RIMS2: variants seen among roughly 807,000 people sequenced by gnomAD.
RIMS2 encodes regulating synaptic membrane exocytosis 2.
In RIMS2, 59 loss-of-function variants were observed where a neutral mutation model predicts 174.4. The observed-to-expected ratio is 0.34, with a 90% CI of 0.27 to 0.42. The LOEUF is 0.42. Among genes scored for constraint, RIMS2 ranks in the 10% least tolerant of loss-of-function variants. The pLI, the probability that RIMS2 is intolerant of heterozygous loss-of-function variation, is 1.00. For synonymous variants in RIMS2, 606 were observed against 572.5 expected (o/e 1.06, Z -0.84); for missense variants, 1,620 against 1,666.3 (o/e 0.97, Z 0.48).
intron 19 of RIMS2, among the ~76,000 whole-genome samples, chr8:104,162,812 AGTC>A (rs1430745445): frequency 4.6e-5 from 7 of 152,338 alleles, no homozygotes; most frequent in Admixed American, 3.9e-4. Flanking sequence ...AAGAAAAAGA[AGTC>A]TTTAATTTCA....
intron 17 of RIMS2, among the ~76,000 whole-genome samples, chr8:104,010,066 C>T (rs1173748091): frequency 6.6e-6 from 1 of 151,980 alleles, no homozygotes; most frequent in African/African-American, 2.4e-5. Context: ...GGGTTATAGA[C>T]AAGAGTTCCC....
intron 3 of RIMS2, among the ~76,000 whole-genome samples, chr8:103,793,603 A>G (rs1592554073): frequency 6.6e-6 from 1 of 152,200 alleles, no homozygotes; most frequent in Admixed American, 6.5e-5. Context: ...GGAGAAAGAA[A>G]TAAAGGGTAT....
At position 103,873,595 on chromosome 8, in the gene RIMS2, G is replaced by T. The variant is rs140569257; in HGVS notation, c.699-11703G>T. Among the ~76,000 whole-genome samples the T allele has an allele frequency of 3.3e-3, 505 of 152,126 alleles. 2 individuals are homozygous for T. Among genetic ancestry groups the T allele is most frequent in the African/African-American group, 0.012 (479 of 41,524 alleles). On this transcript the variant is annotated intron_variant, in intron 3 of 23. Transcript: ENST00000504942. ...GCTTGAAACATGTGGCATGTGGTTTGTTGTTATCTCTTTCTAGCCTTAAAT... is the reference window on the plus strand; with the variant it reads ...GCTTGAAACATGTGGCATGTGGTTTTTTGTTATCTCTTTCTAGCCTTAAAT...
At chr8:103,557,707 T>A (rs931406173) in intron 1 of RIMS2, among the ~76,000 whole-genome samples, 2 of 152,190 alleles carry the variant, frequency 1.3e-5, no homozygotes, top group African/African-American at 4.8e-5. Context: ...TTTTTGTTTT[T>A]ATTCAACACT....
chr8:103,949,144 A>AAAAAAGGG (rs1555024083), intron 14 of RIMS2, among the ~76,000 whole-genome samples: 4 of 138,510 alleles, frequency 2.9e-5, no homozygotes, highest in African/African-American at 8.0e-5. Flanking sequence ...AAAAAAAAAA[A>AAAAAAGGG]AAAGGGAAAG....
At chr8:103,588,334 C>A (rs895183958) in intron 1 of RIMS2, among the ~76,000 whole-genome samples, 1 of 151,718 alleles carries the variant, frequency 6.6e-6, no homozygotes, top group Non-Finnish European at 1.5e-5. Context: ...AACAATACAA[C>A]CCAAAGCAGT....
intron 1 of RIMS2, among the ~76,000 whole-genome samples, chr8:103,616,598 C>G (rs2095510169): frequency 6.6e-6 from 1 of 152,124 alleles, no homozygotes; most frequent in Non-Finnish European, 1.5e-5. Context: ...TTGCAGACAA[C>G]ATGATTCTAT....
chr8:104,202,053 G>T lies in RIMS2; in HGVS notation c.3335-42863G>T, dbSNP rs139534763. Among the ~76,000 whole-genome samples, 298 of 152,182 alleles carry T rather than the reference G, an allele frequency of 2.0e-3. 2 individuals are homozygous for T. The highest frequency in any genetic ancestry group is 6.7e-3 in the African/African-American group (277 of 41,530). The stretch of plus-strand genomic sequence containing the variant: ...GCAAATCAGTGAGCTGATCATTGTG[G>T]TAGGCCCTGGGAATTAGAATAACAT... On this transcript the variant is annotated intron_variant, in intron 19 of 23. Transcript: ENST00000504942.
intron 17 of RIMS2, among the ~76,000 whole-genome samples, chr8:104,012,642 A>G (rs2095799279): frequency 6.6e-6 from 1 of 152,138 alleles, no homozygotes; most frequent in Non-Finnish European, 1.5e-5. Flanking sequence ...GGAAACATTT[A>G]TTGATCATGT....
At chr8:103,972,847 C>G (rs2093030910) in intron 15 of RIMS2, among the ~76,000 whole-genome samples, 1 of 152,028 alleles carries the variant, frequency 6.6e-6, no homozygotes, top group South Asian at 2.1e-4. Flanking sequence ...TTTTCTTGTT[C>G]TATTTTACTA....
intron 19 of RIMS2, among the ~76,000 whole-genome samples, chr8:104,161,248 A>G (rs1246303479): frequency 1.3e-5 from 2 of 152,186 alleles, no homozygotes; most frequent in East Asian, 3.8e-4. Context: ...CCAGGGTACC[A>G]ATTGATCTGA....
chr8:104,054,756 TTAAG>T (rs1373914459), intron 19 of RIMS2, among the ~76,000 whole-genome samples: 3 of 152,148 alleles, frequency 2.0e-5, no homozygotes, highest in East Asian at 1.9e-4. Flanking sequence ...TGATGTTTCT[TTAAG>T]TATCAAAAAT....
chr8:103,912,633 G>A (rs2075894238), intron 6 of RIMS2, among the ~76,000 whole-genome samples: 1 of 152,088 alleles, frequency 6.6e-6, no homozygotes, highest in African/African-American at 2.4e-5. Context: ...GTGTGCATGT[G>A]TATGTGCATA....
intron 1 of RIMS2, among the ~76,000 whole-genome samples, chr8:103,620,877 T>C (rs991107267): frequency 6.6e-6 from 1 of 152,200 alleles, no homozygotes; most frequent in Non-Finnish European, 1.5e-5. Context: ...AAGTATTTAC[T>C]GTGAACATAT....
chr8:104,102,152 C>A (rs1328531954), intron 19 of RIMS2, among the ~76,000 whole-genome samples: 1 of 152,146 alleles, frequency 6.6e-6, no homozygotes, highest in Non-Finnish European at 1.5e-5. Flanking sequence ...ATCTGTCCTC[C>A]TGGGTTCTGC....
chr8:103,778,146 A>G (rs1275869217), intron 3 of RIMS2, among the ~76,000 whole-genome samples: 1 of 152,048 alleles, frequency 6.6e-6, no homozygotes, highest in African/African-American at 2.4e-5. Context: ...TTGATGTATA[A>G]TACATATACA....
exon 4 of RIMS2, chr8:103,886,122 G>T (rs2099199341): frequency 2.5e-6 from 4 of 1,613,006 alleles, no homozygotes; most frequent in Admixed American, 1.7e-5. Flanking sequence ...GGTAAAATGC[G>T]CCAGATTTCG....
intron 10 of RIMS2, among the ~76,000 whole-genome samples, chr8:103,923,041 C>G (rs903644549): frequency 6.6e-6 from 1 of 151,634 alleles, no homozygotes; most frequent in Non-Finnish European, 1.5e-5. Context: ...TCATTTGAGG[C>G]CAGTGGTCTT....
intron 19 of RIMS2, among the ~76,000 whole-genome samples, chr8:104,051,911 G>T (rs1597800077): frequency 6.6e-6 from 1 of 152,126 alleles, no homozygotes; most frequent in South Asian, 2.1e-4. Context: ...TTCTTTTTAA[G>T]AATTTAATTT....
Sources: gnomAD v4.1 joint callset for allele counts (sites outside exome capture counted in the v4.1 genomes callset) on GRCh38, gnomAD v4.1.1 for gene constraint, MANE v1.5 for transcripts, NCBI Gene and HGNC (gene_info 2026-07-23, HGNC 2026-07-21) for gene names.